The following STK10 variants were observed in gnomAD, a reference collection of about 807,000 sequenced individuals.
STK10 encodes the protein serine/threonine-protein kinase 10.
STK10 carries 78 observed loss-of-function variants against 113.8 expected under a neutral mutation model. That is an observed-to-expected ratio of 0.69 (90% confidence interval 0.57 to 0.83). The LOEUF is 0.83. STK10 is among the 40% of genes least tolerant of loss of function. The pLI is 0.00. For missense variants in STK10, 1,109 were observed against 1,280.1 expected, an observed-to-expected ratio of 0.87 and a Z score of 2.04; for synonymous variants, 465 against 494.7, an observed-to-expected ratio of 0.94 and a Z score of 0.80.
chr5:172,052,013 G>C (rs1767639860), intron 18 of STK10, among the ~76,000 whole-genome samples: 1 of 152,214 alleles, frequency 6.6e-6, no homozygotes, highest in South Asian at 2.1e-4. Flanking sequence ...AATGACCCCT[G>C]TGACTCTCTC....
chr5:172,085,345 G>A (rs1240639595), intron 10 of STK10, among the ~76,000 whole-genome samples: 2 of 151,974 alleles, frequency 1.3e-5, no homozygotes, highest in Admixed American at 6.6e-5. Context: ...AATATCGGAG[G>A]GATAAGCCCC....
chr5:172,096,744 C>T (rs925759163), intron 7 of STK10, among the ~76,000 whole-genome samples, 184 bp from the exon 8 acceptor site: 1 of 152,172 alleles, frequency 6.6e-6, no homozygotes, highest in African/African-American at 2.4e-5. Flanking sequence ...AGGGCAGATC[C>T]CAGCTGTGTC....
chr5:172,182,506 C>T (rs192706543), intron 1 of STK10, among the ~76,000 whole-genome samples: 2,449 of 151,200 alleles, frequency 0.016, 31 homozygotes, highest in Middle Eastern at 0.045. Context: ...ACCTCAGCCT[C>T]CTGAGTAGCT....
intron 10 of STK10, among the ~76,000 whole-genome samples, chr5:172,083,733 C>T (rs1768484284): frequency 2.6e-5 from 4 of 151,822 alleles, no homozygotes; most frequent in Admixed American, 2.6e-4. Flanking sequence ...CATGGCAAAA[C>T]CCCATCTCTA....
chr5:172,151,355 T>C (rs1770228675), intron 2 of STK10, among the ~76,000 whole-genome samples: 1 of 152,016 alleles, frequency 6.6e-6, no homozygotes. Flanking sequence ...TCTTTTTTTT[T>C]TTTAATTGAG....
intron 1 of STK10, among the ~76,000 whole-genome samples, chr5:172,176,524 C>T (rs17700365): frequency 0.2 from 30,721 of 152,044 alleles, 3,197 homozygotes; most frequent in Middle Eastern, 0.25. Flanking sequence ...CAGCATGGAC[C>T]ACCTTAGTTT....
chr5:172,074,167 G>A (rs1768260479), intron 12 of STK10, among the ~76,000 whole-genome samples: 1 of 151,918 alleles, frequency 6.6e-6, no homozygotes, highest in African/African-American at 2.4e-5. Context: ...AAACTCAGCA[G>A]GTATTTCACA....
intron 8 of STK10, 126 bp downstream of exon 8, chr5:172,096,300 A>G: frequency 1.4e-6 from 2 of 1,465,308 alleles, no homozygotes; most frequent in African/African-American, 1.4e-5. Flanking sequence ...GGAGTCTGCA[A>G]CCTCTGAGCT....
At chr5:172,075,111 A>G (rs559205077) in intron 12 of STK10, among the ~76,000 whole-genome samples, 1 of 150,448 alleles carries the variant, frequency 6.6e-6, no homozygotes, top group African/African-American at 2.4e-5. Context: ...TCAAGGCTAT[A>G]TTGAGCCATG....
intron 18 of STK10, among the ~76,000 whole-genome samples, chr5:172,046,112 C>G (rs1307067586): frequency 2.6e-5 from 4 of 151,734 alleles, no homozygotes; most frequent in Non-Finnish European, 5.9e-5. Context: ...GTAATCCCAG[C>G]ACTTTGGGAG....
intron 15 of STK10, chr5:172,056,954 G>GAAAGAAAGAAAGAAA (rs1767795788): frequency 1.3e-5 from 1 of 78,966 alleles, no homozygotes; most frequent in African/African-American, 6.6e-5. Flanking sequence ...AAAGAAAGAA[G>GAAAGAAAGAAAGAAA]GAAAGAAAGA....
At chr5:172,129,246 G>A (rs1348619954) in intron 2 of STK10, among the ~76,000 whole-genome samples, 1 of 152,218 alleles carries the variant, frequency 6.6e-6, no homozygotes, top group Non-Finnish European at 1.5e-5. Context: ...GAGATACTAG[G>A]TTCCAGGGGT....
chr5:172,111,727 T>C (rs1398635826), intron 4 of STK10, among the ~76,000 whole-genome samples: 1 of 152,238 alleles, frequency 6.6e-6, no homozygotes, highest in African/African-American at 2.4e-5. Context: ...TTCTCCGCTG[T>C]AATTTCCATA....
chr5:172,141,876 C>G (rs75470155), intron 2 of STK10, among the ~76,000 whole-genome samples: 3,030 of 152,284 alleles, frequency 0.02, 97 homozygotes, highest in African/African-American at 0.069. Flanking sequence ...CAGTTTAGAT[C>G]GAGCAGCTGT....
intron 18 of STK10, among the ~76,000 whole-genome samples, chr5:172,052,036 C>T (rs1256088803): frequency 6.6e-6 from 1 of 152,210 alleles, no homozygotes; most frequent in East Asian, 1.9e-4. Flanking sequence ...ATATAACTCT[C>T]CCCGCTCCTC....
chr5:172,066,606 G>A (rs974989205), intron 12 of STK10, among the ~76,000 whole-genome samples: 2 of 152,160 alleles, frequency 1.3e-5, no homozygotes, highest in South Asian at 2.1e-4. Flanking sequence ...TGGGCAACAT[G>A]GTGAAACCCT....
At chr5:172,060,449 C>A (rs1353441761) in intron 14 of STK10, among the ~76,000 whole-genome samples, 1 of 152,028 alleles carries the variant, frequency 6.6e-6, no homozygotes, top group African/African-American at 2.4e-5. Flanking sequence ...ACCCAAAAAA[C>A]CACAAAACCC....
At chr5:172,057,322 C>T (rs747329352) in intron 15 of STK10, 27 bp downstream of exon 15, 18 of 1,575,264 alleles carry the variant, frequency 1.1e-5, no homozygotes, top group East Asian at 7.0e-5. Flanking sequence ...GCAGCAGATC[C>T]GAGCCCCGTG....
intron 2 of STK10, among the ~76,000 whole-genome samples, chr5:172,140,325 A>ATT (rs1769947956): frequency 6.6e-6 from 1 of 152,242 alleles, no homozygotes. Flanking sequence ...AAAAGGGAGC[A>ATT]CTTGCACACT....
Sources: allele counts gnomAD v4.1 joint callset (sites outside exome capture counted in the v4.1 genomes callset), GRCh38; gene constraint gnomAD v4.1.1; transcripts MANE v1.5; gene names NCBI Gene and HGNC (gene_info 2026-07-23, HGNC 2026-07-21).